The following PLPPR3 variants were observed in gnomAD, a reference collection of about 807,000 sequenced individuals.
The protein encoded by PLPPR3 is phospholipid phosphatase-related protein type 3.
Under a neutral mutation model 27.3 loss-of-function variants are expected in PLPPR3, and 14 were observed. The observed-to-expected ratio is 0.51, with a 90% CI of 0.34 to 0.80. The LOEUF is 0.80. Among genes scored for constraint, PLPPR3 ranks in the 30% least tolerant of loss-of-function variants. PLPPR3 has a pLI of 0.01. For missense variants in PLPPR3, 1,287 were observed against 1,056.9 expected (o/e 1.22, Z -3.02); for synonymous variants, 671 against 508.0 (o/e 1.32, Z -4.32).
intron 2 of PLPPR3, among the ~76,000 whole-genome samples, chr19:816,343 A>ATCTACCCACCTACCCATCCATCCAACCG (rs1267386058): frequency 3.0e-4 from 14 of 46,586 alleles, no homozygotes; most frequent in African/African-American, 9.9e-4. Context: ...CCACCCACCC[A>ATCTACCCACCTACCCATCCATCCAACCG]TCCATCCGTC....
rs776186328 is a variant in PLPPR3, at chr19:815,204, G to A, written c.385C>T (p.Arg129Cys). 6 of 1,602,894 alleles carry A rather than the reference G, an allele frequency of 3.7e-6. 1 individual carries two copies. Among genetic ancestry groups the A allele is most frequent in the South Asian group, 3.3e-5 (3 of 90,514 alleles). ...AACTCACCCACAAACCGCACCGTAC[G>A]CCGCAGGAAGGAGTTGAAGTTGCAG... ...GGCNFNSFLR[R>C]TVRFVGVHVF... Residue 129 changes from arginine (R) to cysteine (C), a missense_variant, in exon 4 of 8, where the codon CGT (arginine) becomes TGT (cysteine). Transcript: ENST00000520876.
intron 3 of PLPPR3, among the ~76,000 whole-genome samples, 162 bp downstream of exon 3, chr19:815,504 T>C (rs2035038594): frequency 6.7e-6 from 1 of 148,806 alleles, no homozygotes; most frequent in African/African-American, 2.5e-5. Context: ...CCGGTGTGGA[T>C]GTTCACCGAG....
rs771050699 is a variant in PLPPR3 at position 813,195 on chromosome 19, C to T, written c.1532G>A (p.Ser511Asn). The change falls in exon 8 of 8, where the codon AGC becomes AAC. Residue 511 changes from serine to asparagine, a missense_variant. Ser to Asn is a conservative substitution (Grantham distance 46). Transcript: ENST00000520876. The surrounding 1 kb of genome is among the most constrained non-coding windows in gnomAD (Gnocchi z 4.1). ...AQTGAGLSPK[S>N]GAGVRAKWLM... Reference sequence around the variant, plus strand: ...CCACTTGGCGCGCACCCCGGCGCCGCTTTTGGGGGACAGGCCGGCCCCCGT... The same window carrying T: ...CCACTTGGCGCGCACCCCGGCGCCGTTTTTGGGGGACAGGCCGGCCCCCGT... The T allele has an allele frequency of 1.9e-5, 28 of 1,508,356 alleles. No individual in the cohort carries two copies. The highest frequency in any genetic ancestry group is 2.4e-5 in the Non-Finnish European group (27 of 1,140,320). The allele number at this position is 1,508,356 out of a possible 1,614,324, so 93.4% of individuals were successfully genotyped here.
At position 813,727 on chromosome 19, in the gene PLPPR3, C is replaced by T. The variant is rs765439431; in HGVS notation, c.1000G>A (p.Gly334Ser). 1.8e-5 allele frequency: 27 copies of T among 1,524,560 alleles called. No individual in the cohort carries two copies. The highest frequency in any genetic ancestry group is 3.6e-5 in the South Asian group (3 of 82,908). The allele number at this position is 1,524,560 out of a possible 1,614,324, so 94.4% of individuals were successfully genotyped here. ...DELGPPGRLE[G>S]APRPVAREKT... ...TCGCGGGCCACGGGCCGGGGCGCGCCCTCCAGCCGCCCTGGGGGCCCCAGC... is the reference window on the plus strand; with the variant it reads ...TCGCGGGCCACGGGCCGGGGCGCGCTCTCCAGCCGCCCTGGGGGCCCCAGC... Residue 334 changes from glycine to serine, a missense_variant, in exon 8 of 8, where the codon GGC becomes AGC. Transcript: ENST00000520876. This position sits in a 1 kb window ranked among gnomAD's most constrained non-coding sequence, Gnocchi z 4.1.
At position 815,086 on chromosome 19, in the gene PLPPR3, A is replaced by G. The variant is rs351988; in HGVS notation, c.404-5T>C. ...ACAGGCCGAACACGTGGACACCTGC[A>G]GGGCGGAAGGCTCGGCCAGGCGGGG... On this transcript the variant is annotated splice_polypyrimidine_tract_variant and splice_region_variant and intron_variant, in intron 4 of 7. Coordinates refer to ENST00000520876, the MANE Select transcript of PLPPR3 (RefSeq NM_001270366.2). 0.59 allele frequency: 941,627 copies of G among 1,602,740 alleles called. 281,514 individuals are homozygous for G. Among genetic ancestry groups the G allele is most frequent in the African/African-American group, 0.9 (67,148 of 75,000 alleles).
chr19:812,933 G>A lies in PLPPR3; in HGVS notation c.1794C>T (p.Gly598=). 3.0e-6 allele frequency: 4 copies of A among 1,348,750 alleles called. No homozygotes were observed. Among genetic ancestry groups the A allele is most frequent in the Middle Eastern group, 2.3e-4 (1 of 4,424 alleles). 83.5% of individuals were successfully genotyped at this position (1,348,750 alleles called of 1,614,324 possible). Residue 598 remains glycine (G), a synonymous_variant, in exon 8 of 8, where the codon GGC becomes GGT. Coordinates refer to ENST00000520876, the MANE Select transcript of PLPPR3 (RefSeq NM_001270366.2). The part of the protein sequence containing the change: ...PHHPVVHLSA[G]GAPWEWKAAG... ...CCGCCTTCCACTCCCAGGGCGCGCC[G>A]CCGGCCGACAGGTGCACCACGGGGT...
rs1327844608 is a variant in PLPPR3, at chr19:812,752, C to T, written c.1975G>A (p.Val659Ile). 6 of 1,074,012 alleles carry T rather than the reference C, an allele frequency of 5.6e-6. No homozygotes were observed. Among genetic ancestry groups the T allele is most frequent in the African/African-American group, 1.7e-5 (1 of 58,366 alleles). 66.5% of individuals were successfully genotyped at this position (1,074,012 alleles called of 1,614,324 possible). A position where few individuals can be genotyped will look rare whatever the true frequency, so the allele number is the denominator to read the frequency against. Residue 659 changes from valine to isoleucine, a missense_variant, in exon 8 of 8, where the codon GTC becomes ATC. Physicochemically the swap from Val to Ile is conservative, Grantham distance 29. Coordinates refer to ENST00000520876, the MANE Select transcript of PLPPR3 (RefSeq NM_001270366.2). ...EEPRFGAVAT[V>I]NLATGEGLPP... The stretch of plus-strand genomic sequence containing the variant: ...AGCCCCTCGCCCGTGGCCAGGTTGA[C>T]GGTGGCCACGGCCCCGAACCGCGGC...
chr19:814,971 G>T lies in PLPPR3; in HGVS notation c.514C>A (p.Leu172Ile). Residue 172 changes from leucine (L) to isoleucine (I), a missense_variant, in exon 5 of 8, where the codon CTC (leucine) becomes ATC (isoleucine). Leu to Ile is a conservative substitution (Grantham distance 5, BLOSUM62 2). Coordinates refer to ENST00000520876, the MANE Select transcript of PLPPR3 (RefSeq NM_001270366.2). ...FLTVCKPNYTLLGTSCEVNPY... is the reference protein window; with the variant it reads ...FLTVCKPNYTILGTSCEVNPY... ...TTGACCTCGCAGGACGTGCCCAGGA[G>T]AGTGTAGTTGGGCTTGCAGACGGTG... 1 of 1,612,666 alleles carries T rather than the reference G, an allele frequency of 6.2e-7. No homozygotes were observed. Among genetic ancestry groups the T allele is most frequent in the East Asian group, 2.2e-5 (1 of 44,876 alleles).
At position 815,327 on chromosome 19, in the gene PLPPR3, T is replaced by C. The variant is rs1373838640; in HGVS notation, c.262A>G (p.Ile88Val). 1.3e-6 allele frequency: 2 copies of C among 1,540,030 alleles called. No individual in the cohort carries two copies. Among genetic ancestry groups the C allele is most frequent in the African/African-American group, 2.7e-5 (2 of 72,840 alleles). ...TACAACATGCCCTCGGCCACCATGA[T>C]CTGCCAACAGGGAGGGGGCGCTCAG... Reference protein sequence around the residue: ...SLAFAAPAASIMVAEGMLYCL... With the variant: ...SLAFAAPAASVMVAEGMLYCL... The change falls in exon 4 of 8, where the codon ATC becomes GTC. Residue 88 changes from isoleucine to valine, a missense_variant and splice_region_variant. By Grantham distance (29) the Ile-to-Val change is conservative. Transcript: ENST00000520876.
At chr19:821,240 C>T (rs2035139731) in intron 2 of PLPPR3, among the ~76,000 whole-genome samples, 1 of 144,858 alleles carries the variant, frequency 6.9e-6, no homozygotes, top group Non-Finnish European at 1.5e-5. Context: ...CAGAAGGGCT[C>T]CCCTCCTAGC....
intron 2 of PLPPR3, among the ~76,000 whole-genome samples, chr19:818,684 C>G (rs926842034): frequency 6.6e-6 from 1 of 151,846 alleles, no homozygotes; most frequent in Non-Finnish European, 1.5e-5. Context: ...CAGGCGCCCG[C>G]CACCGCGCCC....
Position 812,896 on chromosome 19 carries a change from C to CCCCGCCG in PLPPR3, c.1824_1830dup (p.Ala611ArgfsTer?). On this transcript the variant is annotated frameshift_variant, in exon 8 of 8. Coordinates refer to ENST00000520876, the MANE Select transcript of PLPPR3 (RefSeq NM_001270366.2). LOFTEE classifies it low-confidence loss of function (END_TRUNC). The stretch of plus-strand genomic sequence containing the variant: ...TAGCCGCCGTCGGCCTCCGCCTTGG[C>CCCCGCCG]CCCGCCGCCCGCCGCCTTCCACTCC... 2 of 1,271,768 alleles carry CCCCGCCG rather than the reference C, an allele frequency of 1.6e-6. No individual in the cohort carries two copies. The highest frequency in any genetic ancestry group is 1.7e-5 in the South Asian group (1 of 58,906). The allele number at this position is 1,271,768 out of a possible 1,614,324, so 78.8% of individuals were successfully genotyped here.
chr19:822,104 C>G (rs1490310498), upstream of PLPPR3: 1 of 151,588 alleles, frequency 6.6e-6, no homozygotes, highest in Non-Finnish European at 1.5e-5. Flanking sequence ...GCAGGCCCCG[C>G]GCACCGTCCC....
At position 815,257 on chromosome 19, in the gene PLPPR3, C is replaced by T; in HGVS notation, c.332G>A (p.Gly111Glu). 2 of 1,568,506 alleles carry T rather than the reference C, an allele frequency of 1.3e-6. No individual in the cohort carries two copies. Among genetic ancestry groups the T allele is most frequent in the Non-Finnish European group, 1.7e-6 (2 of 1,159,760 alleles). Residue 111 changes from glycine (G) to glutamate (E), a missense_variant, in exon 4 of 8, where the codon GGG (glycine) becomes GAG (glutamate). By Grantham distance (98) the Gly-to-Glu change is moderately conservative. Coordinates refer to ENST00000520876, the MANE Select transcript of PLPPR3 (RefSeq NM_001270366.2). ...RLWGRAGGPA[G>E]AEGSINAGGC... ...GCCGGCGTTGATGCTGCCCTCCGCCCCGGCGGGCCCCCCGGCACGGCCCCA... is the reference window on the plus strand; with the variant it reads ...GCCGGCGTTGATGCTGCCCTCCGCCTCGGCGGGCCCCCCGGCACGGCCCCA...
Position 813,134 on chromosome 19 carries a change from G to T in PLPPR3, c.1593C>A (p.Ala531=). ...TGACCTGCAGCAGCCGCGGAGGGTT[G>T]GCCACTGCCGCCCCGCTCTTCTCGG... The part of the protein sequence containing the change: ...MMAEKSGAAV[A]NPPRLLQVIA... Residue 531 remains alanine (A), a synonymous_variant, in exon 8 of 8, where the codon GCC becomes GCA. Coordinates refer to ENST00000520876, the MANE Select transcript of PLPPR3 (RefSeq NM_001270366.2). The surrounding 1 kb of genome is among the most constrained non-coding windows in gnomAD (Gnocchi z 4.1). 1 of 1,512,560 alleles carries T rather than the reference G, an allele frequency of 6.6e-7. No individual in the cohort carries two copies. Among genetic ancestry groups the T allele is most frequent in the Non-Finnish European group, 8.8e-7 (1 of 1,141,578 alleles). The allele number at this position is 1,512,560 out of a possible 1,614,324, so 93.7% of individuals were successfully genotyped here.
At chr19:814,360 C>T (rs1399884920) in intron 7 of PLPPR3, 74 bp downstream of exon 7, 22 of 1,438,562 alleles carry the variant, frequency 1.5e-5, no homozygotes, top group Non-Finnish European at 1.8e-5. Flanking sequence ...CACTCAGGCC[C>T]TGTGGGCACT....
chr19:818,745 G>A (rs943818683), intron 2 of PLPPR3, among the ~76,000 whole-genome samples: 1 of 152,022 alleles, frequency 6.6e-6, no homozygotes, highest in African/African-American at 2.4e-5. Flanking sequence ...GTGTTAGCCA[G>A]GATGGTCTCG....
chr19:820,014 T>G (rs1369092207), intron 2 of PLPPR3, among the ~76,000 whole-genome samples: 1 of 152,058 alleles, frequency 6.6e-6, no homozygotes, highest in Non-Finnish European at 1.5e-5. Flanking sequence ...CTATTTTTTC[T>G]GTTTTTAAAA....
rs2034981108 is a variant in PLPPR3 at position 813,404 on chromosome 19, C to T, written c.1323G>A (p.Glu441=). The T allele has an allele frequency of 6.6e-7, 1 of 1,504,508 alleles. No individual in the cohort carries two copies. Among genetic ancestry groups the T allele is most frequent in the Non-Finnish European group, 8.8e-7 (1 of 1,134,506 alleles). The allele number at this position is 1,504,508 out of a possible 1,614,324, so 93.2% of individuals were successfully genotyped here. A position where few individuals can be genotyped will look rare whatever the true frequency, so the allele number is the denominator to read the frequency against. ...CTTCGTCCTCCTCCTCTTCCTCCTC[C>T]TCCGCCATGGGTTCGGCGGGCGCGC... ...HLRAPAEPMA[E]EEEEEEDEEE... Residue 441 remains glutamate, a synonymous_variant, in exon 8 of 8, where the codon GAG becomes GAA. Transcript: ENST00000520876. This position sits in a 1 kb window ranked among gnomAD's most constrained non-coding sequence, Gnocchi z 4.1.
Sources: allele counts gnomAD v4.1 joint callset (sites outside exome capture counted in the v4.1 genomes callset), GRCh38; gene constraint gnomAD v4.1.1; non-coding constraint Gnocchi (gnomAD v3.1); transcripts MANE v1.5; gene names NCBI Gene and HGNC (gene_info 2026-07-23, HGNC 2026-07-21).